IPCEF1: variants seen among roughly 807,000 people sequenced by gnomAD.
IPCEF1 encodes interaction protein for cytohesin exchange factors 1, also known as interactor protein for cytohesin exchange factors 1.
A neutral mutation model predicts 50.9 loss-of-function variants in IPCEF1; 31 were observed. The ratio of observed to expected loss-of-function variants is 0.61; its 90% CI spans 0.46 to 0.82. The LOEUF (loss-of-function observed/expected upper bound fraction) is 0.82. IPCEF1 is among the 40% of genes least tolerant of loss of function. IPCEF1 has a pLI of 0.00. For missense variants in IPCEF1, 458 were observed against 514.0 expected, an observed-to-expected ratio of 0.89 and a Z score of 1.05; for synonymous variants, 181 against 192.0, an observed-to-expected ratio of 0.94 and a Z score of 0.47.
intron 3 of IPCEF1, among the ~76,000 whole-genome samples, chr6:154,251,538 T>C (rs1344441717): frequency 6.6e-6 from 1 of 152,210 alleles, no homozygotes; most frequent in Non-Finnish European, 1.5e-5. Flanking sequence ...TATTATTATA[T>C]CCACTTTACA....
At chr6:154,220,105 T>C (rs1778744741) in intron 7 of IPCEF1, among the ~76,000 whole-genome samples, 1 of 151,832 alleles carries the variant, frequency 6.6e-6, no homozygotes, top group South Asian at 2.1e-4. Flanking sequence ...GAGAACTACA[T>C]AGGGCAGATA....
chr6:154,347,711 G>T (rs932815200), intron 1 of IPCEF1, among the ~76,000 whole-genome samples: 1 of 152,198 alleles, frequency 6.6e-6, no homozygotes, highest in African/African-American at 2.4e-5. Context: ...TCACCTCAGT[G>T]GCTCCTACTG....
intron 1 of IPCEF1, among the ~76,000 whole-genome samples, chr6:154,296,606 G>T (rs770819223): frequency 6.6e-6 from 1 of 152,134 alleles, no homozygotes; most frequent in Non-Finnish European, 1.5e-5. Context: ...GAGGAGGGCA[G>T]ATCACGAGGT....
At chr6:154,193,724 C>T (rs1302579936) in intron 10 of IPCEF1, among the ~76,000 whole-genome samples, 1 of 152,228 alleles carries the variant, frequency 6.6e-6, no homozygotes, top group Admixed American at 6.5e-5. Context: ...AAAACAAACA[C>T]TTCGGCCTTG....
At chr6:154,237,783 T>C (rs1780249958) in intron 5 of IPCEF1, among the ~76,000 whole-genome samples, 1 of 152,162 alleles carries the variant, frequency 6.6e-6, no homozygotes, top group Non-Finnish European at 1.5e-5. Context: ...TGAAATTATA[T>C]ACACACACAT....
intron 5 of IPCEF1, among the ~76,000 whole-genome samples, chr6:154,245,187 A>G (rs1780927920): frequency 6.6e-6 from 1 of 152,194 alleles, no homozygotes; most frequent in Non-Finnish European, 1.5e-5. Flanking sequence ...AGAAGAAAAG[A>G]GAGAAAAAGG....
chr6:154,186,790 T>C (rs568822530), intron 10 of IPCEF1, among the ~76,000 whole-genome samples: 1 of 151,922 alleles, frequency 6.6e-6, no homozygotes, highest in Non-Finnish European at 1.5e-5. Flanking sequence ...TCTCCTGACC[T>C]CGTGATCCAC....
intron 2 of IPCEF1, among the ~76,000 whole-genome samples, chr6:154,287,236 A>G (rs1253358968): frequency 4.0e-5 from 6 of 151,088 alleles, no homozygotes; most frequent in African/African-American, 1.2e-4. Context: ...ACCTTCCACC[A>G]TGACTGTAAG....
intron 5 of IPCEF1, among the ~76,000 whole-genome samples, chr6:154,232,238 G>T (rs2128627662): frequency 6.6e-6 from 1 of 152,292 alleles, no homozygotes; most frequent in African/African-American, 2.4e-5. Context: ...TTAGCATCGG[G>T]CTGTGACAAG....
chr6:154,223,833 G>C (rs1245387839), intron 5 of IPCEF1, among the ~76,000 whole-genome samples: 1 of 152,200 alleles, frequency 6.6e-6, no homozygotes, highest in Non-Finnish European at 1.5e-5. Flanking sequence ...TTAAATCACA[G>C]AGCTGCATCT....
intron 1 of IPCEF1, among the ~76,000 whole-genome samples, chr6:154,302,078 T>C (rs559205887): frequency 1.3e-5 from 2 of 152,350 alleles, no homozygotes; most frequent in Admixed American, 1.3e-4. Context: ...TCAACTACAC[T>C]TCATTTTCTG....
At chr6:154,320,731 G>T (rs948698617) in intron 1 of IPCEF1, among the ~76,000 whole-genome samples, 9 of 152,102 alleles carry the variant, frequency 5.9e-5, no homozygotes. Flanking sequence ...ACATGGCCGG[G>T]CACTGTGGTA....
rs148376282 is a variant in IPCEF1, at chr6:154,226,855, C to T, written c.247-3612G>A. Reference sequence around the variant, plus strand: ...TAGTTCCACAATTTCATCTCTCCCCCTCCCCCATTCAGCCAAAGACAAACA... The same window carrying T: ...TAGTTCCACAATTTCATCTCTCCCCTTCCCCCATTCAGCCAAAGACAAACA... On this transcript the variant is annotated intron_variant, in intron 5 of 11. Coordinates refer to ENST00000367220, the MANE Select transcript of IPCEF1 (RefSeq NM_001130700.2). Among the ~76,000 whole-genome samples, 4 of 152,232 alleles carry T rather than the reference C, an allele frequency of 2.6e-5. No homozygotes were observed. In the East Asian group the frequency reaches 5.8e-4, roughly 22 times the overall value.
intron 5 of IPCEF1, among the ~76,000 whole-genome samples, chr6:154,238,037 T>C (rs763907907): frequency 7.2e-5 from 11 of 152,228 alleles, no homozygotes; most frequent in Non-Finnish European, 1.6e-4. Flanking sequence ...AAATCAACTA[T>C]CATATATGCA....
rs377406084 is a variant in IPCEF1 at position 154,348,939 on chromosome 6, T to G, written c.-62+7733A>C. 3.3e-5 allele frequency among the ~76,000 whole-genome samples: 5 copies of G among 152,306 alleles called. No homozygotes were observed. The South Asian group carries it at 8.3e-4, about 25-fold the overall frequency. The stretch of plus-strand genomic sequence containing the variant: ...CTGAGCTATTCAAACAGAATAATCA[T>G]AAACAAGTAGCCTAAAATGCATGGT... On this transcript the variant is annotated intron_variant, in intron 1 of 11. Coordinates refer to ENST00000367220, the MANE Select transcript of IPCEF1 (RefSeq NM_001130700.2).
At chr6:154,322,403 C>CAT (rs1554224661) in intron 1 of IPCEF1, among the ~76,000 whole-genome samples, 1 of 149,654 alleles carries the variant, frequency 6.7e-6, no homozygotes, top group African/African-American at 2.5e-5. Flanking sequence ...CACACACACA[C>CAT]CCCTATGTTT....
At chr6:154,219,529 C>G (rs1245925540) in intron 7 of IPCEF1, among the ~76,000 whole-genome samples, 1 of 152,116 alleles carries the variant, frequency 6.6e-6, no homozygotes, top group Non-Finnish European at 1.5e-5. Context: ...GCGGACTGAC[C>G]TCACTATCAC....
intron 2 of IPCEF1, among the ~76,000 whole-genome samples, chr6:154,277,815 G>A (rs1167477806): frequency 6.6e-6 from 1 of 152,030 alleles, no homozygotes; most frequent in African/African-American, 2.4e-5. Context: ...TTTTCCGCTT[G>A]TCTTTGGGTT....
At chr6:154,272,795 AC>A (rs1301142716) in intron 2 of IPCEF1, among the ~76,000 whole-genome samples, 1 of 152,200 alleles carries the variant, frequency 6.6e-6, no homozygotes, top group Non-Finnish European at 1.5e-5. Flanking sequence ...ACTATTTTAA[AC>A]CCAGAAAATG....
Sources: allele counts gnomAD v4.1 joint callset (sites outside exome capture counted in the v4.1 genomes callset), GRCh38; gene constraint gnomAD v4.1.1; transcripts MANE v1.5; gene names NCBI Gene and HGNC (gene_info 2026-07-23, HGNC 2026-07-21).